Variants in OSBPL3 observed in about 807,000 individuals in gnomAD.
The protein encoded by OSBPL3 is oxysterol-binding protein-related protein 3.
Under a neutral mutation model 120.1 loss-of-function variants are expected in OSBPL3, and 65 were observed. That is an observed-to-expected ratio of 0.54 (90% CI 0.44 to 0.67). The LOEUF (loss-of-function observed/expected upper bound fraction) is 0.67, where lower values mean the gene tolerates loss of function less well. OSBPL3 is among the 30% of genes least tolerant of loss of function. The pLI, the probability that OSBPL3 is intolerant of heterozygous loss-of-function variation, is 0.00. For missense variants in OSBPL3, 1,004 were observed against 1,082.1 expected, an observed-to-expected ratio of 0.93 and a Z score of 1.01; for synonymous variants, 416 against 402.6, an observed-to-expected ratio of 1.03 and a Z score of -0.40.
At chr7:24,866,526 A>C (rs1801343394) in intron 5 of OSBPL3, among the ~76,000 whole-genome samples, 1 of 152,082 alleles carries the variant, frequency 6.6e-6, no homozygotes, top group South Asian at 2.1e-4. Flanking sequence ...CTGTGATCTG[A>C]GCTACTCGGG....
intron 16 of OSBPL3, among the ~76,000 whole-genome samples, chr7:24,826,433 T>C (rs537978582): frequency 6.6e-6 from 1 of 152,098 alleles, no homozygotes; most frequent in Non-Finnish European, 1.5e-5. Flanking sequence ...TGGAGAGATT[T>C]TGCATGGTGA....
chr7:24,856,089 T>C (rs1390870475), intron 10 of OSBPL3, among the ~76,000 whole-genome samples: 1 of 152,196 alleles, frequency 6.6e-6, no homozygotes, highest in Non-Finnish European at 1.5e-5. Context: ...TATTTCCTCT[T>C]TCATTGAGTG....
rs1794330163 is a variant in OSBPL3, at chr7:24,815,248, A to T, written c.2028-45T>A. 4 of 1,526,314 alleles carry T rather than the reference A, an allele frequency of 2.6e-6. No individual in the cohort carries two copies. The highest frequency in any genetic ancestry group is 3.6e-6 in the Non-Finnish European group (4 of 1,107,052). 94.5% of individuals were successfully genotyped at this position (1,526,314 alleles called of 1,614,324 possible). On this transcript the variant is annotated intron_variant, in intron 18 of 22. Transcript: ENST00000313367. The surrounding 1 kb of genome is among the most constrained non-coding windows in gnomAD (Gnocchi z 5.1). ...AGAAGTACCAATTTCTAGAAGAGCC[A>T]GCAGCAAATGCAAACAAACTCTGCT...
chr7:24,962,007 C>T (rs1460549341), intron 1 of OSBPL3, among the ~76,000 whole-genome samples: 1 of 152,100 alleles, frequency 6.6e-6, no homozygotes, highest in Non-Finnish European at 1.5e-5. Flanking sequence ...ATCAACCTTC[C>T]TGTTGTTTAA....
intron 19 of OSBPL3, 50 bp from the exon 20 acceptor site, chr7:24,810,001 C>T (rs746774708): frequency 6.3e-7 from 1 of 1,598,850 alleles, no homozygotes; most frequent in African/African-American, 1.3e-5. Flanking sequence ...CAGCTTATTA[C>T]AGATATTAAG....
intron 5 of OSBPL3, among the ~76,000 whole-genome samples, chr7:24,868,058 C>T (rs1801580973): frequency 6.6e-6 from 1 of 152,108 alleles, no homozygotes; most frequent in Non-Finnish European, 1.5e-5. Flanking sequence ...GTGGCTCACG[C>T]CTGTAACCCC....
At position 24,913,807 on chromosome 7, in the gene OSBPL3, G is replaced by C. The variant is rs1279513210; in HGVS notation, c.-149-21186C>G. Among the ~76,000 whole-genome samples the C allele has an allele frequency of 2.0e-5, 3 of 152,016 alleles. No individual in the cohort carries two copies. Among genetic ancestry groups the C allele is most frequent in the African/African-American group, 7.2e-5 (3 of 41,384 alleles). The stretch of plus-strand genomic sequence containing the variant: ...CTAAGGTAACAGGGTCAGTCAGTGG[G>C]GATACAACTAGGACGAGGACAAGGA... On this transcript the variant is annotated intron_variant, in intron 1 of 22. Coordinates refer to ENST00000313367, the MANE Select transcript of OSBPL3 (RefSeq NM_015550.4). The surrounding 1 kb of genome is among the most constrained non-coding windows in gnomAD (Gnocchi z 5.3).
chr7:24,926,548 C>A (rs117924444), intron 1 of OSBPL3, among the ~76,000 whole-genome samples: 3,106 of 152,300 alleles, frequency 0.02, 48 homozygotes, highest in Non-Finnish European at 0.032. Context: ...ACCTTCCAGC[C>A]ACACAAATCC....
Position 24,819,558 on chromosome 7 carries a change from G to A in OSBPL3, c.1948+617C>T, listed in dbSNP as rs1297998806. On this transcript the variant is annotated intron_variant, in intron 17 of 22. Transcript: ENST00000313367. This position sits in a 1 kb window ranked among gnomAD's most constrained non-coding sequence, Gnocchi z 4.1. Reference sequence around the variant, plus strand: ...AGACTGCGTGTGTGTGTGTGCCTGTGTGTGTAAAGGTAACGTGTGATATCA... The same window carrying A: ...AGACTGCGTGTGTGTGTGTGCCTGTATGTGTAAAGGTAACGTGTGATATCA... Among the ~76,000 whole-genome samples the A allele has an allele frequency of 2.6e-5, 4 of 152,132 alleles. No individual in the cohort carries two copies. The highest frequency in any genetic ancestry group is 5.9e-5 in the Non-Finnish European group (4 of 68,028).
In OSBPL3 at chr7:24,872,425, A is replaced by G. The variant is rs1309933757; in HGVS notation, c.97-356T>C. On this transcript the variant is annotated intron_variant, in intron 2 of 22. Transcript: ENST00000313367. This position sits in a 1 kb window ranked among gnomAD's most constrained non-coding sequence, Gnocchi z 4.1. Reference sequence around the variant, plus strand: ...TACTGTTCGTTCAGCACTAGACTTCAGTCTGAATTTTAACCGAAAGAGAGT... The same window carrying G: ...TACTGTTCGTTCAGCACTAGACTTCGGTCTGAATTTTAACCGAAAGAGAGT... Among the ~76,000 whole-genome samples the G allele has an allele frequency of 1.4e-5, 2 of 147,154 alleles. No individual in the cohort carries two copies. Among genetic ancestry groups the G allele is most frequent in the East Asian group, 4.0e-4 (2 of 5,034 alleles).
At chr7:24,840,116 C>T (rs1797545941) in intron 14 of OSBPL3, among the ~76,000 whole-genome samples, 1 of 147,858 alleles carries the variant, frequency 6.8e-6, no homozygotes, top group South Asian at 2.2e-4. Flanking sequence ...TTTGAATTAA[C>T]ACATCTTTCA....
chr7:24,892,563 T>TA lies in OSBPL3; in HGVS notation c.-92dup, dbSNP rs1207182615. ...TGGAAGTCCCCAGTGGCAGGTGGTT[T>TA]AGCTCTTATCCAAAGTATTTAAAAA... On this transcript the variant is annotated 5_prime_UTR_variant, in exon 2 of 23. Transcript: ENST00000313367. The TA allele has an allele frequency of 6.6e-7, 1 of 1,517,728 alleles. No individual in the cohort carries two copies. Among genetic ancestry groups the TA allele is most frequent in the African/African-American group, 1.4e-5 (1 of 73,136 alleles). The allele number at this position is 1,517,728 out of a possible 1,614,324, so 94.0% of individuals were successfully genotyped here. A position where few individuals can be genotyped will look rare whatever the true frequency, so the allele number is the denominator to read the frequency against.
chr7:24,901,663 T>C (rs1037028066), intron 1 of OSBPL3, among the ~76,000 whole-genome samples: 2 of 152,224 alleles, frequency 1.3e-5, no homozygotes, highest in Non-Finnish European at 2.9e-5. Flanking sequence ...AGATCTATTA[T>C]GTTGAAATCT....
rs1467140287 is a variant in OSBPL3, at chr7:24,830,460, T to C, written c.1884+308A>G. On this transcript the variant is annotated intron_variant, in intron 16 of 22. Transcript: ENST00000313367. The surrounding 1 kb of genome is among the most constrained non-coding windows in gnomAD (Gnocchi z 4.4). ...GTGTTAGGGAGCAATGTTAAACCTCTAAATTGAAGTTTGGGCCAACATTCA... is the reference window on the plus strand; with the variant it reads ...GTGTTAGGGAGCAATGTTAAACCTCCAAATTGAAGTTTGGGCCAACATTCA... 6.6e-6 allele frequency among the ~76,000 whole-genome samples: 1 copy of C among 152,206 alleles called. No individual in the cohort carries two copies. Among genetic ancestry groups the C allele is most frequent in the Non-Finnish European group, 1.5e-5 (1 of 68,032 alleles).
chr7:24,830,857 G>A lies in OSBPL3; in HGVS notation c.1795C>T (p.Arg599Ter), dbSNP rs772549974. The change falls in exon 16 of 23, where the codon CGA becomes TGA. Residue 599 changes from arginine (R) to a stop codon, truncating the protein, a stop_gained. Coordinates refer to ENST00000313367, the MANE Select transcript of OSBPL3 (RefSeq NM_015550.4). LOFTEE classifies it high-confidence loss of function. This position sits in a 1 kb window ranked among gnomAD's most constrained non-coding sequence, Gnocchi z 4.4. ...GGATTAAATGGCTTGCTTCCAGCTC[G>A]GTAGTAGCTAGATGCATACGCTGAT... ...AISAYASSYY[R>*]AGSKPFNPVL... is the part of the protein sequence containing the mutation. 9.3e-6 allele frequency: 15 copies of A among 1,613,720 alleles called. No homozygotes were observed. The highest frequency in any genetic ancestry group is 1.1e-5 in the Non-Finnish European group (13 of 1,179,694).
In OSBPL3 at chr7:24,926,119, T is replaced by C. The variant is rs552895607; in HGVS notation, c.-149-33498A>G. Among the ~76,000 whole-genome samples the C allele has an allele frequency of 9.2e-5, 14 of 152,304 alleles. No individual in the cohort carries two copies. The East Asian group carries it at 2.7e-3, about 29-fold the overall frequency. ...TACTATTTCTTTGTGTCTAGAACAA[T>C]TACCCCTCAGGTGTACTGAATTGGG... On this transcript the variant is annotated intron_variant, in intron 1 of 22. Transcript: ENST00000313367.
Position 24,804,498 on chromosome 7 carries a change from A to T in OSBPL3, c.2445-61T>A. The stretch of plus-strand genomic sequence containing the variant: ...AATTCAAGAAAACAAAACAATCATT[A>T]CTACTCAACTTGCATGTGTCCACGA... On this transcript the variant is annotated intron_variant, in intron 21 of 22. Transcript: ENST00000313367. This position sits in a 1 kb window ranked among gnomAD's most constrained non-coding sequence, Gnocchi z 5.4. The T allele has an allele frequency of 1.3e-6, 2 of 1,516,908 alleles. No homozygotes were observed. Among genetic ancestry groups the T allele is most frequent in the Non-Finnish European group, 1.8e-6 (2 of 1,106,854 alleles). The allele number at this position is 1,516,908 out of a possible 1,614,324, so 94.0% of individuals were successfully genotyped here. A position where few individuals can be genotyped will look rare whatever the true frequency, so the allele number is the denominator to read the frequency against.
chr7:24,967,490 C>A lies in OSBPL3; in HGVS notation c.-150+12396G>T, dbSNP rs2522240. ...CTCCTGGTTTATTCTTTGACATTAC[C>A]CTCCCCAACTCAACGGTTATCATGG... On this transcript the variant is annotated intron_variant, in intron 1 of 22. Transcript: ENST00000313367. This position sits in a 1 kb window ranked among gnomAD's most constrained non-coding sequence, Gnocchi z 5.6. Among the ~76,000 whole-genome samples the A allele has an allele frequency of 0.46, 70,138 of 151,842 alleles. 16,524 individuals carry two copies. Among genetic ancestry groups the A allele is most frequent in the South Asian group, 0.64 (3,071 of 4,808 alleles).
At position 24,866,255 on chromosome 7, in the gene OSBPL3, GA is replaced by G. The variant is rs34455229; in HGVS notation, c.382-19del. 6.4e-7 allele frequency: 1 copy of G among 1,562,002 alleles called. No individual in the cohort carries two copies. The highest frequency in any genetic ancestry group is 8.8e-7 in the Non-Finnish European group (1 of 1,137,058). ...GACTTGACCTATAATATATTCGATT[GA>G]AAAAAGGAAACAAGAGAATCATTCA... On this transcript the variant is annotated intron_variant, in intron 5 of 22. Transcript: ENST00000313367.
Sources: allele counts gnomAD v4.1 joint callset (sites outside exome capture counted in the v4.1 genomes callset), GRCh38; gene constraint gnomAD v4.1.1; non-coding constraint Gnocchi (gnomAD v3.1); transcripts MANE v1.5; gene names NCBI Gene and HGNC (gene_info 2026-07-23, HGNC 2026-07-21).